Variants in NEGR1 observed in about 807,000 individuals in gnomAD.
NEGR1 encodes neuronal growth regulator 1, also known as IgLON family member 4.
In NEGR1, 10 loss-of-function variants were observed where a neutral mutation model predicts 40.9. That is an observed-to-expected ratio of 0.24 (90% CI 0.15 to 0.42). The LOEUF (loss-of-function observed/expected upper bound fraction) is 0.42. Among genes scored for constraint, NEGR1 ranks in the 10% least tolerant of loss-of-function variants. NEGR1 has a pLI of 1.00. For missense variants in NEGR1, 352 were observed against 438.9 expected (o/e 0.80, Z 1.77); for synonymous variants, 185 against 166.8 (o/e 1.11, Z -0.84).
intron 1 of NEGR1, among the ~76,000 whole-genome samples, chr1:72,101,656 T>C (rs565162667): frequency 4.3e-4 from 66 of 151,938 alleles, no homozygotes; most frequent in Admixed American, 1.4e-3. Flanking sequence ...GAGTAAGAGA[T>C]AGGGTTAATT....
intron 6 of NEGR1, among the ~76,000 whole-genome samples, chr1:71,557,568 T>C (rs1258587474): frequency 6.6e-6 from 1 of 151,632 alleles, no homozygotes; most frequent in African/African-American, 2.4e-5. Flanking sequence ...GACAAATTCC[T>C]TATCTCAAGA....
chr1:71,928,206 A>G (rs1168379448), intron 2 of NEGR1, among the ~76,000 whole-genome samples: 1 of 130,662 alleles, frequency 7.7e-6, no homozygotes, highest in African/African-American at 2.9e-5. Flanking sequence ...GTATATATGT[A>G]TATATACACA....
chr1:72,192,366 A>T (rs1449360772), intron 1 of NEGR1, among the ~76,000 whole-genome samples: 1 of 151,818 alleles, frequency 6.6e-6, no homozygotes, highest in East Asian at 1.9e-4. Flanking sequence ...GAGATAAAGA[A>T]CAATTTATCT....
At chr1:72,104,834 T>A (rs998523588) in intron 1 of NEGR1, among the ~76,000 whole-genome samples, 1 of 152,140 alleles carries the variant, frequency 6.6e-6, no homozygotes, top group African/African-American at 2.4e-5. Context: ...ACAATTAAAT[T>A]GTCATTTGTA....
intron 1 of NEGR1, among the ~76,000 whole-genome samples, chr1:71,998,882 A>G (rs1646529723): frequency 6.6e-6 from 1 of 151,888 alleles, no homozygotes; most frequent in South Asian, 2.1e-4. Context: ...TACATATACT[A>G]TAGATACTGT....
intron 2 of NEGR1, among the ~76,000 whole-genome samples, chr1:71,819,413 C>T (rs1338728824): frequency 4.6e-5 from 7 of 151,672 alleles, no homozygotes; most frequent in South Asian, 4.2e-4. Flanking sequence ...TATTTAATAT[C>T]CTTAGAGAGG....
chr1:71,407,407 T>TTCAGAGAA lies in NEGR1; in HGVS notation c.*31_*38dup. 6.2e-7 allele frequency: 1 copy of TTCAGAGAA among 1,602,800 alleles called. No individual in the cohort carries two copies. The highest frequency in any genetic ancestry group is 1.1e-5 in the South Asian group (1 of 90,136). On this transcript the variant is annotated 3_prime_UTR_variant, in exon 7 of 7. Coordinates refer to ENST00000357731, the MANE Select transcript of NEGR1 (RefSeq NM_173808.3). ...CAGATTGGATCCAGCCATCAGCACT[T>TTCAGAGAA]TCAGAGAATCCTTAAAAGCCTTTTA... is the stretch of plus-strand genomic sequence containing the variant.
At chr1:72,188,257 T>G (rs1652686454) in intron 1 of NEGR1, among the ~76,000 whole-genome samples, 1 of 151,394 alleles carries the variant, frequency 6.6e-6, no homozygotes, top group Non-Finnish European at 1.5e-5. Context: ...TATCAGTAAA[T>G]TATAAACTTG....
chr1:71,743,628 GCT>G (rs1655285543), intron 3 of NEGR1, among the ~76,000 whole-genome samples: 1 of 151,850 alleles, frequency 6.6e-6, no homozygotes, highest in Non-Finnish European at 1.5e-5. Flanking sequence ...GTTCTCTCAG[GCT>G]CTCTAATAGG....
chr1:71,499,428 C>CATAATTATATATAACATAT (rs1446165952), intron 6 of NEGR1, among the ~76,000 whole-genome samples: 1 of 147,700 alleles, frequency 6.8e-6, no homozygotes, highest in Non-Finnish European at 1.5e-5. Context: ...ATATATGGCA[C>CATAATTATATATAACATAT]ATAATTATAT....
At chr1:72,078,851 G>C (rs1647864339) in intron 1 of NEGR1, among the ~76,000 whole-genome samples, 1 of 150,296 alleles carries the variant, frequency 6.7e-6, no homozygotes, top group Admixed American at 6.6e-5. Flanking sequence ...TGTTGGCCAG[G>C]CTAGTCTTGA....
At chr1:72,234,259 G>C (rs1013159964) in intron 1 of NEGR1, among the ~76,000 whole-genome samples, 1 of 152,028 alleles carries the variant, frequency 6.6e-6, no homozygotes, top group Non-Finnish European at 1.5e-5. Context: ...TCCTGTGTTA[G>C]TTTGCTAAAG....
rs112551139 is a variant in NEGR1 at position 71,727,981 on chromosome 1, G to T, written c.536-29842C>A. On this transcript the variant is annotated intron_variant, in intron 3 of 6. Coordinates refer to ENST00000357731, the MANE Select transcript of NEGR1 (RefSeq NM_173808.3). The stretch of plus-strand genomic sequence containing the variant: ...ACATTAGAAAGAGGCAACAAAGTTT[G>T]GCATAACAAAGTTTGGCTAAGCAAG... Among the ~76,000 whole-genome samples, 1,083 of 152,242 alleles carry T rather than the reference G, an allele frequency of 7.1e-3. 13 individuals carry two copies. Among genetic ancestry groups the T allele is most frequent in the African/African-American group, 0.024 (1,002 of 41,552 alleles).
intron 2 of NEGR1, among the ~76,000 whole-genome samples, chr1:71,848,429 T>C (rs1659492562): frequency 6.6e-6 from 1 of 152,178 alleles, no homozygotes; most frequent in East Asian, 1.9e-4. Flanking sequence ...CAGGGGCTAA[T>C]GCAGCTGGTG....
chr1:72,108,561 T>C (rs1463841000), intron 1 of NEGR1, among the ~76,000 whole-genome samples: 6 of 151,632 alleles, frequency 4.0e-5, no homozygotes, highest in African/African-American at 1.4e-4. Flanking sequence ...AAAATAAATA[T>C]ATCATTGCAA....
At chr1:71,790,243 G>A (rs1041288461) in intron 2 of NEGR1, among the ~76,000 whole-genome samples, 2 of 152,102 alleles carry the variant, frequency 1.3e-5, no homozygotes, top group Non-Finnish European at 2.9e-5. Flanking sequence ...TGTATTGGTG[G>A]TAGATTCATG....
At chr1:71,559,032 TATATATATATATAC>T (rs1195977247) in intron 6 of NEGR1, among the ~76,000 whole-genome samples, 2 of 119,540 alleles carry the variant, frequency 1.7e-5, no homozygotes, top group African/African-American at 2.9e-5. Context: ...TATATATATA[TATATATATATATAC>T]ACATATATAT....
intron 6 of NEGR1, among the ~76,000 whole-genome samples, chr1:71,412,501 C>A (rs1171046543): frequency 1.3e-5 from 2 of 152,110 alleles, no homozygotes; most frequent in Admixed American, 1.3e-4. Flanking sequence ...GAACATTCCT[C>A]CTTATATGTG....
intron 1 of NEGR1, among the ~76,000 whole-genome samples, chr1:71,998,096 T>G (rs1646520852): frequency 6.6e-6 from 1 of 151,964 alleles, no homozygotes; most frequent in Non-Finnish European, 1.5e-5. Context: ...GCTAAGAGGC[T>G]CTACGTAAAG....
Sources: allele counts gnomAD v4.1 joint callset (sites outside exome capture counted in the v4.1 genomes callset), GRCh38; gene constraint gnomAD v4.1.1; transcripts MANE v1.5; gene names NCBI Gene and HGNC (gene_info 2026-07-23, HGNC 2026-07-21).